Variants in MFHAS1 observed in about 807,000 individuals in gnomAD.
The protein encoded by MFHAS1 is multifunctional ROCO family signaling regulator 1, also known as malignant fibrous histiocytoma-amplified sequence 1.
MFHAS1 carries 50 observed loss-of-function variants against 70.4 expected under a neutral mutation model. The observed-to-expected ratio is 0.71, with a 90% CI of 0.57 to 0.90. The LOEUF (loss-of-function observed/expected upper bound fraction) is 0.90, where lower values mean the gene tolerates loss of function less well. Ranked by LOEUF, MFHAS1 falls within the 40% of genes least tolerant of loss-of-function variation. The pLI is 0.00. For synonymous variants in MFHAS1, 952 were observed against 620.0 expected, an observed-to-expected ratio of 1.54 and a Z score of -7.96; for missense variants, 1,795 against 1,347.6, an observed-to-expected ratio of 1.33 and a Z score of -5.20.
At chr8:8,790,506 CCTCCTAG>C (rs1805685331) in intron 2 of MFHAS1, 1 of 372,962 alleles carries the variant, frequency 2.7e-6, no homozygotes, top group African/African-American at 2.2e-5. Context: ...AAACACAATT[CCTCCTAG>C]CTTGTTAAAA....
chr8:8,832,101 A>G (rs900458552), intron 1 of MFHAS1, among the ~76,000 whole-genome samples: 9 of 145,950 alleles, frequency 6.2e-5, no homozygotes, highest in Non-Finnish European at 3.1e-5. Context: ...CACCAAAGTA[A>G]CTTGAAATAG....
At chr8:8,800,193 C>T (rs939622181) in intron 1 of MFHAS1, among the ~76,000 whole-genome samples, 4 of 152,162 alleles carry the variant, frequency 2.6e-5, no homozygotes, top group Admixed American at 6.5e-5. Context: ...TATATAGTGT[C>T]GCACAATATT....
intron 2 of MFHAS1, among the ~76,000 whole-genome samples, chr8:8,790,655 A>T (rs1306585025): frequency 1.3e-5 from 2 of 152,174 alleles, no homozygotes; most frequent in Non-Finnish European, 2.9e-5. Flanking sequence ...CTCACCCTCT[A>T]TATTTTAAAA....
chr8:8,858,450 T>C (rs1808527112), intron 1 of MFHAS1, among the ~76,000 whole-genome samples: 1 of 152,082 alleles, frequency 6.6e-6, no homozygotes, highest in East Asian at 1.9e-4. Context: ...TTTTGGAGCC[T>C]AGGAAGGGTT....
At chr8:8,851,022 G>C (rs1038251699) in intron 1 of MFHAS1, among the ~76,000 whole-genome samples, 1 of 152,122 alleles carries the variant, frequency 6.6e-6, no homozygotes, top group Admixed American at 6.6e-5. Flanking sequence ...CCTCCTTAGT[G>C]AATCTCCTCG....
intron 1 of MFHAS1, among the ~76,000 whole-genome samples, chr8:8,833,691 C>T (rs938689379): frequency 1.3e-5 from 2 of 152,094 alleles, no homozygotes; most frequent in African/African-American, 4.8e-5. Context: ...TCCATATGAC[C>T]TAGCAATTCT....
intron 1 of MFHAS1, among the ~76,000 whole-genome samples, chr8:8,845,807 A>G (rs1195355181): frequency 1.3e-5 from 2 of 152,152 alleles, no homozygotes; most frequent in African/African-American, 4.8e-5. Flanking sequence ...AATTTTCCCC[A>G]CAAAATCTGC....
intron 1 of MFHAS1, among the ~76,000 whole-genome samples, chr8:8,875,271 C>T (rs1245331152): frequency 6.6e-6 from 1 of 151,982 alleles, no homozygotes; most frequent in Non-Finnish European, 1.5e-5. Flanking sequence ...CAGAGAATCA[C>T]TCACAAAAAA....
Position 8,786,033 on chromosome 8 carries a change from T to G in MFHAS1, c.3148A>C (p.Arg1050=). The G allele has an allele frequency of 6.2e-7, 1 of 1,614,178 alleles. No homozygotes were observed. The highest frequency in any genetic ancestry group is 8.5e-7 in the Non-Finnish European group (1 of 1,180,010). ...CSKKNVGEKH[R]NQ Reference sequence around the variant, plus strand: ...CACAGCCACAAACGTCACTGGTTTCTGTGCTTTTCACCAACATTCTTCCTG... The same window carrying G: ...CACAGCCACAAACGTCACTGGTTTCGGTGCTTTTCACCAACATTCTTCCTG... The change falls in exon 3 of 3, where the codon AGA becomes CGA. Residue 1050 remains arginine, a synonymous_variant. Coordinates refer to ENST00000276282, the MANE Select transcript of MFHAS1 (RefSeq NM_004225.3).
chr8:8,787,305 C>A (rs191026708), intron 2 of MFHAS1, among the ~76,000 whole-genome samples: 1 of 152,134 alleles, frequency 6.6e-6, no homozygotes, highest in Non-Finnish European at 1.5e-5. Flanking sequence ...TGATCTTGAT[C>A]TCCTGACCTC....
chr8:8,854,240 CAT>C (rs1491444016), intron 1 of MFHAS1, among the ~76,000 whole-genome samples: 5 of 151,920 alleles, frequency 3.3e-5, no homozygotes, highest in African/African-American at 9.7e-5. Context: ...CTACTAAAAA[CAT>C]AAAAATTAGG....
At chr8:8,829,589 G>C (rs892741639) in intron 1 of MFHAS1, among the ~76,000 whole-genome samples, 1 of 152,202 alleles carries the variant, frequency 6.6e-6, no homozygotes, top group Non-Finnish European at 1.5e-5. Context: ...GCTGAGGCAG[G>C]AGAATCGCTT....
Position 8,892,337 on chromosome 8 carries a change from G to C in MFHAS1, c.722C>G (p.Thr241Arg), listed in dbSNP as rs150557278. The C allele has an allele frequency of 5.3e-5, 86 of 1,611,604 alleles. No individual in the cohort carries two copies. The African/African-American group carries it at 9.4e-4, about 18-fold the overall frequency. Residue 241 changes from threonine to arginine, a missense_variant, in exon 1 of 3, where the codon ACG becomes AGG. Thr to Arg is a moderately conservative substitution (Grantham distance 71). Transcript: ENST00000276282. This position sits in a 1 kb window ranked among gnomAD's most constrained non-coding sequence, Gnocchi z 4.7. ...ILWLSGAELG[T>R]LPAGFCELAS... is the part of the protein sequence containing the mutation. ...CAGCTCGCAGAAGCCGGCGGGCAGCGTGCCAAGCTCGGCCCCACTCAGCCA... is the reference window on the plus strand; with the variant it reads ...CAGCTCGCAGAAGCCGGCGGGCAGCCTGCCAAGCTCGGCCCCACTCAGCCA...
At chr8:8,849,374 C>A (rs1808156536) in intron 1 of MFHAS1, among the ~76,000 whole-genome samples, 1 of 152,160 alleles carries the variant, frequency 6.6e-6, no homozygotes, top group South Asian at 2.1e-4. Context: ...AGCCACCGCA[C>A]CCAGCCTTGT....
At chr8:8,811,638 T>C (rs1314977949) in intron 1 of MFHAS1, among the ~76,000 whole-genome samples, 1 of 152,234 alleles carries the variant, frequency 6.6e-6, no homozygotes, top group Non-Finnish European at 1.5e-5. Context: ...TAGCTGATGC[T>C]GCGTCTCCTC....
intron 1 of MFHAS1, among the ~76,000 whole-genome samples, chr8:8,832,058 G>C (rs148097711): frequency 6.9e-6 from 1 of 145,968 alleles, no homozygotes. Flanking sequence ...ACGCGCGCGC[G>C]CGCGCACACA....
rs184250330 is a variant in MFHAS1 at position 8,847,109 on chromosome 8, A to G, written c.2998+42952T>C. ...AATCACCAAAATGAGGCTAACACCA[A>G]TGATATTTTTCGTAATTGGCAGGAA... On this transcript the variant is annotated intron_variant, in intron 1 of 2. Coordinates refer to ENST00000276282, the MANE Select transcript of MFHAS1 (RefSeq NM_004225.3). Among the ~76,000 whole-genome samples, 4 of 152,270 alleles carry G rather than the reference A, an allele frequency of 2.6e-5. No homozygotes were observed. In the East Asian group the frequency reaches 5.8e-4, roughly 22 times the overall value.
At chr8:8,814,919 G>C (rs11777085) in intron 1 of MFHAS1, among the ~76,000 whole-genome samples, 66,981 of 150,180 alleles carry the variant, frequency 0.45, 16,235 homozygotes, top group East Asian at 0.78. Flanking sequence ...TTGTTACATG[G>C]GTAAACGTGT....
At chr8:8,844,720 T>C (rs903087145) in intron 1 of MFHAS1, among the ~76,000 whole-genome samples, 3 of 152,236 alleles carry the variant, frequency 2.0e-5, no homozygotes, top group African/African-American at 7.2e-5. Flanking sequence ...GCTTAAATTA[T>C]AATTGGCATA....
Sources: gnomAD v4.1 joint callset for allele counts (sites outside exome capture counted in the v4.1 genomes callset) on GRCh38, gnomAD v4.1.1 for gene constraint, Gnocchi (gnomAD v3.1) non-coding constraint, MANE v1.5 for transcripts, NCBI Gene and HGNC (gene_info 2026-07-23, HGNC 2026-07-21) for gene names.